SLC2A9: variants seen among roughly 807,000 people sequenced by gnomAD.
SLC2A9 encodes the protein solute carrier family 2 member 9.
A neutral mutation model predicts 50.6 loss-of-function variants in SLC2A9; 39 were observed. That is an observed-to-expected ratio of 0.77 (90% CI 0.60 to 1.01). SLC2A9 has a LOEUF of 1.01. Ranked by LOEUF, SLC2A9 falls within the 50% of genes least tolerant of loss-of-function variation. The pLI is 0.00. For missense variants in SLC2A9, 686 were observed against 677.6 expected, an observed-to-expected ratio of 1.01 and a Z score of -0.14; for synonymous variants, 324 against 276.9, an observed-to-expected ratio of 1.17 and a Z score of -1.69.
chr4:9,931,942 C>A (rs867817182), intron 6 of SLC2A9, among the ~76,000 whole-genome samples: 12 of 59,782 alleles, frequency 2.0e-4, no homozygotes, highest in African/African-American at 7.3e-4. Flanking sequence ...CTCTCTCTCT[C>A]TCTCTCTCTC....
intron 8 of SLC2A9, among the ~76,000 whole-genome samples, chr4:9,895,213 G>A (rs1328598091): frequency 6.6e-6 from 1 of 152,160 alleles, no homozygotes; most frequent in Non-Finnish European, 1.5e-5. Context: ...CCAGTAACTT[G>A]AGCCAATGAA....
At chr4:9,993,989 TC>T (rs944614303) in intron 3 of SLC2A9, among the ~76,000 whole-genome samples, 2 of 152,156 alleles carry the variant, frequency 1.3e-5, no homozygotes, top group African/African-American at 4.8e-5. Context: ...CTGGAATGTC[TC>T]CCCCAGCTAT....
At chr4:9,883,721 C>T (rs964110096) in intron 10 of SLC2A9, among the ~76,000 whole-genome samples, 3 of 152,196 alleles carry the variant, frequency 2.0e-5, no homozygotes, top group Non-Finnish European at 2.9e-5. Flanking sequence ...GGGTTCAGCA[C>T]CTCCCAGTCC....
At position 9,785,971 on chromosome 4, in the gene SLC2A9, C is replaced by T. The variant is rs565885712; in HGVS notation, n.386-5906G>A. 1.3e-3 allele frequency among the ~76,000 whole-genome samples: 194 copies of T among 152,134 alleles called. 1 individual carries two copies. Among genetic ancestry groups the T allele is most frequent in the Middle Eastern group, 3.4e-3 (1 of 294 alleles). ...AGAGCTGCATGAAGAGAGACCTTGA[C>T]GAAGTAAGGGTTGGAGGGCTGCTAA... On this transcript the variant is annotated intron_variant and non_coding_transcript_variant, in intron 3 of 3. Coordinates refer to the SLC2A9 transcript ENST00000503803.
chr4:10,003,360 C>T lies in SLC2A9; in HGVS notation c.250-6419G>A, dbSNP rs564602946. 1.8e-4 allele frequency among the ~76,000 whole-genome samples: 28 copies of T among 152,282 alleles called. No homozygotes were observed. In the South Asian group the frequency reaches 5.4e-3, roughly 29 times the overall value. ...ATTTTGTCTTTTCCTTTGTGTTGCA[C>T]TGCATTCAGGAGCCTGGTGGGAAAA... On this transcript the variant is annotated intron_variant, in intron 2 of 11. Transcript: ENST00000264784.
At position 9,948,753 on chromosome 4, in the gene SLC2A9, CT is replaced by C. The variant is rs1220899430; in HGVS notation, c.682-6709del. 5.3e-5 allele frequency among the ~76,000 whole-genome samples: 8 copies of C among 152,360 alleles called. No homozygotes were observed. The East Asian group carries it at 1.5e-3, about 29-fold the overall frequency. On this transcript the variant is annotated intron_variant, in intron 5 of 11. Transcript: ENST00000264784. The stretch of plus-strand genomic sequence containing the variant: ...GCTGAGGGTTGCTCACCTTTTCCCT[CT>C]GCTGAATCCTGGTCCCATCTCTTCC...
chr4:9,819,416 T>C (rs963626216), intron 3 of SLC2A9, among the ~76,000 whole-genome samples: 14 of 152,320 alleles, frequency 9.2e-5, no homozygotes, highest in African/African-American at 3.4e-4. Flanking sequence ...AATTCTGATT[T>C]CCCAAATAAC....
In SLC2A9 at chr4:10,019,001, G is replaced by A. The variant is rs548054532; in HGVS notation, c.223C>T (p.Leu75=). 6.4e-6 allele frequency: 10 copies of A among 1,550,512 alleles called. No homozygotes were observed. In the South Asian group the frequency reaches 8.3e-5, roughly 13 times the overall value. The change falls in exon 2 of 12, where the codon CTG becomes TTG. Residue 75 remains leucine, a synonymous_variant. Transcript: ENST00000264784. ...GGGGTGGGGGCATTCACCACCGACA[G>A]GTTGTAGCCGTAGAGGAAGGAGGAG... The part of the protein sequence containing the change: ...FGSSFLYGYN[L]SVVNAPTPYI...
At chr4:9,867,485 G>C (rs1021636682) in intron 10 of SLC2A9, among the ~76,000 whole-genome samples, 7 of 152,174 alleles carry the variant, frequency 4.6e-5, no homozygotes, top group African/African-American at 1.4e-4. Flanking sequence ...TCAATAAATA[G>C]TATTGGTGAT....
At chr4:10,012,007 C>T (rs926336419) in intron 2 of SLC2A9, among the ~76,000 whole-genome samples, 15 of 152,312 alleles carry the variant, frequency 9.8e-5, no homozygotes, top group East Asian at 3.9e-4. Flanking sequence ...CCATCTGTTT[C>T]GTAAATAAAA....
chr4:9,848,320 C>A (rs9990954), intron 10 of SLC2A9, among the ~76,000 whole-genome samples: 5,168 of 148,304 alleles, frequency 0.035, 284 homozygotes, highest in African/African-American at 0.12. Flanking sequence ...AGTAACTACA[C>A]AAGCCTGTGG....
intron 5 of SLC2A9, among the ~76,000 whole-genome samples, chr4:9,977,677 C>A (rs1394688927): frequency 6.6e-6 from 1 of 151,992 alleles, no homozygotes; most frequent in African/African-American, 2.4e-5. Context: ...TCCTACAGAC[C>A]CGCCCAGATA....
At chr4:9,933,460 T>TGGAGG (rs1746508784) in intron 6 of SLC2A9, among the ~76,000 whole-genome samples, 1 of 152,158 alleles carries the variant, frequency 6.6e-6, no homozygotes, top group Admixed American at 6.5e-5. Flanking sequence ...TGTAACCATT[T>TGGAGG]CCTGGCATCC....
intron 11 of SLC2A9, among the ~76,000 whole-genome samples, chr4:9,832,325 CCT>C (rs1321537542): frequency 4.6e-5 from 7 of 152,324 alleles, no homozygotes; most frequent in African/African-American, 1.4e-4. Flanking sequence ...ACAGCAGCCC[CCT>C]GAGCCCAGCT....
Position 9,831,570 on chromosome 4 carries a change from C to T in SLC2A9, c.1419+3311G>A, listed in dbSNP as rs1038999977. On this transcript the variant is annotated intron_variant, in intron 11 of 11. Coordinates refer to ENST00000264784, the MANE Select transcript of SLC2A9 (RefSeq NM_020041.3). ...TGTTGTCTGTAAAAGGTATAACTGC[C>T]CTGCTGACACTGTACATGCACTCTT... Among the ~76,000 whole-genome samples, 7 of 152,278 alleles carry T rather than the reference C, an allele frequency of 4.6e-5. 1 individual carries two copies. In the South Asian group the frequency reaches 1.5e-3, roughly 32 times the overall value.
chr4:9,901,258 A>T (rs1739559092), intron 8 of SLC2A9, among the ~76,000 whole-genome samples: 1 of 151,996 alleles, frequency 6.6e-6, no homozygotes, highest in Non-Finnish European at 1.5e-5. Context: ...TGGGGACTTG[A>T]TCTAGTATTT....
At chr4:9,885,226 C>G (rs921665576) in intron 10 of SLC2A9, among the ~76,000 whole-genome samples, 1 of 152,136 alleles carries the variant, frequency 6.6e-6, no homozygotes, top group African/African-American at 2.4e-5. Context: ...TCTATTTTAT[C>G]TTCCTCCTGC....
At chr4:9,939,836 A>G (rs1401858600) in intron 6 of SLC2A9, among the ~76,000 whole-genome samples, 3 of 152,192 alleles carry the variant, frequency 2.0e-5, no homozygotes, top group Admixed American at 1.3e-4. Flanking sequence ...AGAACACCCA[A>G]CATGCTAAAT....
downstream of SLC2A9, among the ~76,000 whole-genome samples, chr4:9,795,154 G>T (rs1278744321): frequency 1.3e-5 from 2 of 151,794 alleles, no homozygotes; most frequent in Non-Finnish European, 2.9e-5. Flanking sequence ...GGGACTACAG[G>T]TGCACGCCCC....
Sources: gnomAD v4.1 joint callset for allele counts (sites outside exome capture counted in the v4.1 genomes callset) on GRCh38, gnomAD v4.1.1 for gene constraint, MANE v1.5 for transcripts, NCBI Gene and HGNC (gene_info 2026-07-23, HGNC 2026-07-21) for gene names.